Variants in ALDH1A1 observed in about 807,000 individuals in gnomAD.
ALDH1A1 encodes aldehyde dehydrogenase 1 family member A1.
ALDH1A1 carries 19 observed loss-of-function variants against 62.1 expected under a neutral mutation model. The ratio of observed to expected loss-of-function variants is 0.31; its 90% CI spans 0.21 to 0.45. ALDH1A1 has a LOEUF of 0.45. Among genes scored for constraint, ALDH1A1 ranks in the 20% least tolerant of loss-of-function variants. ALDH1A1 has a pLI of 1.00. For missense variants in ALDH1A1, 521 were observed against 607.1 expected, an observed-to-expected ratio of 0.86 and a Z score of 1.49; for synonymous variants, 231 against 215.9, an observed-to-expected ratio of 1.07 and a Z score of -0.61.
At chr9:72,947,907 A>G (rs1372517465) in intron 1 of ALDH1A1, among the ~76,000 whole-genome samples, 1 of 151,952 alleles carries the variant, frequency 6.6e-6, no homozygotes, top group Non-Finnish European at 1.5e-5. Context: ...AGCTGTGATA[A>G]GCAATATAAA....
At chr9:72,903,489 G>T (rs1183532949) in intron 12 of ALDH1A1, among the ~76,000 whole-genome samples, 1 of 151,644 alleles carries the variant, frequency 6.6e-6, no homozygotes, top group Non-Finnish European at 1.5e-5. Flanking sequence ...TGAGGTTATC[G>T]CCTGAGTAAT....
intron 10 of ALDH1A1, among the ~76,000 whole-genome samples, chr9:72,910,009 T>C (rs894959470): frequency 6.6e-6 from 1 of 152,168 alleles, no homozygotes; most frequent in South Asian, 2.1e-4. Flanking sequence ...AGTTTCTAGA[T>C]GTTGGAATTA....
chr9:72,909,731 T>G lies in ALDH1A1; in HGVS notation c.1229A>C (p.Lys410Thr), dbSNP rs1177550659. 1 of 1,613,180 alleles carries G rather than the reference T, an allele frequency of 6.2e-7. No individual in the cohort carries two copies. Among genetic ancestry groups the G allele is most frequent in the Non-Finnish European group, 8.5e-7 (1 of 1,179,542 alleles). Residue 410 changes from lysine to threonine, a missense_variant, in exon 11 of 13, where the codon AAG (lysine) becomes ACG (threonine). Coordinates refer to ENST00000297785, the MANE Select transcript of ALDH1A1 (RefSeq NM_000689.5). ...EIFGPVQQIMKFKSLDDVIKR... is the reference protein window; with the variant it reads ...EIFGPVQQIMTFKSLDDVIKR... ...GATCACGTCATCTAAAGATTTAAAC[T>G]TCATGATTTGCTGCACTGGTCCAAA...
Position 72,901,214 on chromosome 9 carries a change from G to C in ALDH1A1, c.1500C>G (p.Asn500Lys). The change falls in exon 13 of 13, where the codon AAC becomes AAG. Residue 500 changes from asparagine (N) to lysine (K), a missense_variant. Asn to Lys is a moderately conservative substitution (Grantham distance 94). Coordinates refer to ENST00000297785, the MANE Select transcript of ALDH1A1 (RefSeq NM_000689.5). ...CTCCACTCTTGTATTTTCTTTATGA[G>C]TTCTTCTGAGAGATTTTCACTGTGA... Reference protein sequence around the residue: ...KTVTVKISQKNS With the variant: ...KTVTVKISQKKS 1.2e-6 allele frequency: 2 copies of C among 1,604,846 alleles called. No individual in the cohort carries two copies. The highest frequency in any genetic ancestry group is 8.5e-7 in the Non-Finnish European group (1 of 1,173,050).
intron 2 of ALDH1A1, among the ~76,000 whole-genome samples, chr9:72,937,704 A>T (rs1232609813): frequency 4.6e-5 from 7 of 152,120 alleles, no homozygotes; most frequent in African/African-American, 1.7e-4. Context: ...CGAAGTTGAA[A>T]GTCTTAAGTT....
At chr9:72,934,085 C>A (rs927430513) in intron 2 of ALDH1A1, among the ~76,000 whole-genome samples, 2 of 152,090 alleles carry the variant, frequency 1.3e-5, no homozygotes, top group Non-Finnish European at 2.9e-5. Flanking sequence ...CATGAGCCAC[C>A]GTCTGCCTAA....
chr9:72,950,624 CT>C (rs1830532570), intron 1 of ALDH1A1, among the ~76,000 whole-genome samples: 1 of 151,678 alleles, frequency 6.6e-6, no homozygotes, highest in Non-Finnish European at 1.5e-5. Flanking sequence ...GAGTATGTAG[CT>C]TTTCTATCGT....
intron 9 of ALDH1A1, among the ~76,000 whole-genome samples, chr9:72,916,165 A>G (rs1282001461): frequency 2.0e-5 from 3 of 152,134 alleles, no homozygotes; most frequent in Non-Finnish European, 2.9e-5. Context: ...ATCCCTAGAC[A>G]TTGCCAAATG....
chr9:72,913,789 T>C (rs1324543820), intron 9 of ALDH1A1, among the ~76,000 whole-genome samples: 1 of 152,240 alleles, frequency 6.6e-6, no homozygotes, highest in African/African-American at 2.4e-5. Flanking sequence ...GTGGCATCAC[T>C]TGGTAGCCAA....
intron 9 of ALDH1A1, among the ~76,000 whole-genome samples, chr9:72,916,132 C>G (rs547580517): frequency 1.7e-4 from 26 of 152,212 alleles, no homozygotes; most frequent in South Asian, 1.0e-3. Flanking sequence ...CCGCTTCTCA[C>G]CAAGGTAGTG....
At chr9:72,911,298 TAGAA>T (rs1274139944) in intron 10 of ALDH1A1, among the ~76,000 whole-genome samples, 2 of 152,136 alleles carry the variant, frequency 1.3e-5, no homozygotes, top group African/African-American at 4.8e-5. Context: ...GGCTGTTATA[TAGAA>T]AGAGTCTATA....
chr9:72,908,555 GAAAGAAAGAAAGA>G (rs1829921091), intron 11 of ALDH1A1, among the ~76,000 whole-genome samples: 1 of 3,262 alleles, frequency 3.1e-4, no homozygotes, highest in Admixed American at 4.4e-3. Flanking sequence ...AAAGAAAGAA[GAAAGAAAGAAAGA>G]AAGAAAGAAA....
Position 72,901,278 on chromosome 9 carries a change from C to A in ALDH1A1, c.1436G>T (p.Gly479Val). ...FKMSGNGREL[G>V]EYGFHEYTEV... The stretch of plus-strand genomic sequence containing the variant: ...TGTATATTCATGGAAACCGTACTCT[C>A]CCCTAGAGAGAAGAAAAACATACCC... Residue 479 changes from glycine (G) to valine (V), a missense_variant and splice_region_variant, in exon 13 of 13, where the codon GGA becomes GTA. Physicochemically the swap from Gly to Val is moderately radical, Grantham distance 109. Coordinates refer to ENST00000297785, the MANE Select transcript of ALDH1A1 (RefSeq NM_000689.5). 2 of 1,605,724 alleles carry A rather than the reference C, an allele frequency of 1.2e-6. No individual in the cohort carries two copies. Among genetic ancestry groups the A allele is most frequent in the Non-Finnish European group, 1.7e-6 (2 of 1,175,314 alleles).
chr9:72,942,387 A>G (rs1830424943), intron 1 of ALDH1A1: 3 of 984,722 alleles, frequency 3.0e-6, no homozygotes, highest in Non-Finnish European at 3.6e-6. Flanking sequence ...CCCCAGCCCT[A>G]TCTCTCACAC....
rs370165440 is a variant in ALDH1A1 at position 72,927,078 on chromosome 9, C to T, written c.504+38G>A. Reference sequence around the variant, plus strand: ...ATCATTAGATAGAATAAGAACTCTTCTTTTTAAAATTGAGAATTATATAGG... The same window carrying T: ...ATCATTAGATAGAATAAGAACTCTTTTTTTTAAAATTGAGAATTATATAGG... On this transcript the variant is annotated intron_variant, in intron 5 of 12. Transcript: ENST00000297785. The T allele has an allele frequency of 1.6e-5, 23 of 1,469,812 alleles. No individual in the cohort carries two copies. In the African/African-American group the frequency reaches 3.0e-4, roughly 19 times the overall value. The allele number at this position is 1,469,812 out of a possible 1,614,324, so 91.0% of individuals were successfully genotyped here.
At chr9:72,916,769 GTTAGA>G in intron 9 of ALDH1A1, 146 bp downstream of exon 9, 2 of 518,430 alleles carry the variant, frequency 3.9e-6, no homozygotes, top group Non-Finnish European at 6.2e-6. Context: ...CTCACTGGGA[GTTAGA>G]TTGCTTTTAA....
At chr9:72,908,162 G>A (rs1829900254) in intron 11 of ALDH1A1, among the ~76,000 whole-genome samples, 1 of 152,010 alleles carries the variant, frequency 6.6e-6, no homozygotes, top group Non-Finnish European at 1.5e-5. Flanking sequence ...GCTCAGGCCT[G>A]TAATCCCAGC....
intron 1 of ALDH1A1, among the ~76,000 whole-genome samples, chr9:72,948,224 T>C (rs911918126): frequency 1.3e-5 from 2 of 151,976 alleles, no homozygotes; most frequent in Non-Finnish European, 2.9e-5. Flanking sequence ...AGCTATTTTT[T>C]TCACCTGCTT....
At chr9:72,916,333 AAG>A (rs558709135) in intron 9 of ALDH1A1, among the ~76,000 whole-genome samples, 13 of 151,938 alleles carry the variant, frequency 8.6e-5, no homozygotes, top group African/African-American at 2.4e-4. Context: ...ATCTTTGGAT[AAG>A]AGAGAGAGAG....
Sources: gnomAD v4.1 joint callset for allele counts (sites outside exome capture counted in the v4.1 genomes callset) on GRCh38, gnomAD v4.1.1 for gene constraint, MANE v1.5 for transcripts, NCBI Gene and HGNC (gene_info 2026-07-23, HGNC 2026-07-21) for gene names.